The following GOLGB1 variants were observed in gnomAD, a reference collection of about 807,000 sequenced individuals.
GOLGB1 encodes golgin subfamily B member 1.
In GOLGB1, 174 loss-of-function variants were observed where a neutral mutation model predicts 336.9. The observed-to-expected ratio is 0.52, with a 90% CI of 0.46 to 0.59. The LOEUF (loss-of-function observed/expected upper bound fraction) is 0.59. GOLGB1 is among the 20% of genes least tolerant of loss of function. GOLGB1 has a pLI of 0.00. For missense variants in GOLGB1, 3,331 were observed against 3,645.3 expected (o/e 0.91, Z 2.22); for synonymous variants, 1,208 against 1,289.2 (o/e 0.94, Z 1.35).
chr3:121,691,303 T>C lies in GOLGB1; in HGVS notation c.8061A>G (p.Lys2687=). 1.2e-6 allele frequency: 2 copies of C among 1,613,022 alleles called. No individual in the cohort carries two copies. The highest frequency in any genetic ancestry group is 1.7e-6 in the Non-Finnish European group (2 of 1,179,756). The part of the protein sequence containing the change: ...KVGEIEDKLK[K]ELKHLHHDAG... ...CATCATGATGAAGATGCTTTAATTC[T>C]TTCTTCAGTTTATCTTCAATTTCAC... The change falls in exon 14 of 22, where the codon AAA becomes AAG. Residue 2687 remains lysine, a synonymous_variant. Coordinates refer to ENST00000614479, the MANE Select transcript of GOLGB1 (RefSeq NM_001366282.2).
intron 6 of GOLGB1, among the ~76,000 whole-genome samples, chr3:121,721,470 T>C (rs951378068): frequency 7.9e-5 from 12 of 151,978 alleles, no homozygotes; most frequent in African/African-American, 2.9e-4. Flanking sequence ...CTTCAAAAAA[T>C]GTAAAAAATT....
At chr3:121,688,754 C>T (rs1364032708) in intron 14 of GOLGB1, among the ~76,000 whole-genome samples, 8 of 151,424 alleles carry the variant, frequency 5.3e-5, no homozygotes, top group African/African-American at 1.2e-4. Flanking sequence ...CGTCTCTGCC[C>T]GGCTGCCCAT....
At position 121,696,920 on chromosome 3, in the gene GOLGB1, C is replaced by A. The variant is rs1323299139; in HGVS notation, c.3603G>T (p.Glu1201Asp). The change falls in exon 13 of 22, where the codon GAG (glutamate) becomes GAT (aspartate). Residue 1201 changes from glutamate to aspartate, a missense_variant. Transcript: ENST00000614479. Reference protein sequence around the residue: ...SRKAILKKAQEKERHLREELK... With the variant: ...SRKAILKKAQDKERHLREELK... ...GCTCCTCCCTGAGATGTCTTTCTTT[C>A]TCCTGTGCCTTTTTAAGAATTGCCT... 2.5e-6 allele frequency: 4 copies of A among 1,614,034 alleles called. No individual in the cohort carries two copies. Among genetic ancestry groups the A allele is most frequent in the Non-Finnish European group, 3.4e-6 (4 of 1,179,976 alleles).
intron 15 of GOLGB1, among the ~76,000 whole-genome samples, chr3:121,679,393 A>G (rs1337618150): frequency 6.6e-6 from 1 of 152,176 alleles, no homozygotes; most frequent in African/African-American, 2.4e-5. Flanking sequence ...CAAACCAGCT[A>G]GGGATCCCCA....
At chr3:121,699,287 C>T (rs1028782325) in intron 12 of GOLGB1, among the ~76,000 whole-genome samples, 1 of 152,114 alleles carries the variant, frequency 6.6e-6, no homozygotes, top group Non-Finnish European at 1.5e-5. Flanking sequence ...CCACATTACT[C>T]CTCAAGGGCA....
chr3:121,732,259 G>A (rs963623087), intron 1 of GOLGB1, among the ~76,000 whole-genome samples: 8 of 152,134 alleles, frequency 5.3e-5, no homozygotes, highest in African/African-American at 1.7e-4. Context: ...GAAAACTCCA[G>A]ATCAAGGTGG....
chr3:121,723,612 C>T (rs1945344545), intron 5 of GOLGB1, among the ~76,000 whole-genome samples: 1 of 152,160 alleles, frequency 6.6e-6, no homozygotes, highest in African/African-American at 2.4e-5. Context: ...GGATATACCA[C>T]AGTTTAAATA....
rs747457403 is a variant in GOLGB1, at chr3:121,714,915, T to C, written c.1350A>G (p.Gln450=). The part of the protein sequence containing the change: ...SQFLNRLPLQ[Q]HETASQTSFP... ...AAGAAGTCTGAGATGCTGTTTCATG[T>C]TGTTGCAAGGGCAGTCTATTTAGAA... The change falls in exon 10 of 22, where the codon CAA becomes CAG. Residue 450 remains glutamine (Q), a synonymous_variant. Coordinates refer to ENST00000614479, the MANE Select transcript of GOLGB1 (RefSeq NM_001366282.2). 1.9e-6 allele frequency: 3 copies of C among 1,613,430 alleles called. No individual in the cohort carries two copies.
intron 10 of GOLGB1, among the ~76,000 whole-genome samples, chr3:121,710,347 C>A (rs1944247846): frequency 6.6e-6 from 1 of 151,942 alleles, no homozygotes; most frequent in African/African-American, 2.4e-5. Flanking sequence ...GCTGCCATAC[C>A]CTTAATACCA....
In GOLGB1 at chr3:121,694,332, G is replaced by A; in HGVS notation, c.6191C>T (p.Thr2064Ile). 6.2e-7 allele frequency: 1 copy of A among 1,611,688 alleles called. No individual in the cohort carries two copies. The highest frequency in any genetic ancestry group is 8.5e-7 in the Non-Finnish European group (1 of 1,179,750). ...AACTGCTTGAGCCAGATTTTCTTTG[G>A]TTATTTCCAAATCTTTTTGAGATTC... ...QTESQKDLEI[T>I]KENLAQAVEH... Residue 2064 changes from threonine (T) to isoleucine (I), a missense_variant, in exon 13 of 22, where the codon ACC becomes ATC. Thr to Ile is a moderately conservative substitution (Grantham distance 89). Transcript: ENST00000614479.
intron 13 of GOLGB1, among the ~76,000 whole-genome samples, 158 bp downstream of exon 13, chr3:121,693,583 T>C (rs747784576): frequency 6.6e-6 from 1 of 152,162 alleles, no homozygotes; most frequent in East Asian, 1.9e-4. Flanking sequence ...AGCAGGATTG[T>C]TGTTTGCCAA....
chr3:121,716,276 T>G (rs1944771222), intron 9 of GOLGB1, among the ~76,000 whole-genome samples: 1 of 152,182 alleles, frequency 6.6e-6, no homozygotes, highest in African/African-American at 2.4e-5. Context: ...AAGGATAAAT[T>G]TTCACCTGTA....
intron 1 of GOLGB1, among the ~76,000 whole-genome samples, chr3:121,746,131 T>C (rs1264243132): frequency 6.6e-6 from 1 of 152,170 alleles, no homozygotes; most frequent in Non-Finnish European, 1.5e-5. Flanking sequence ...GGTGGTTAGG[T>C]TTCAGTTGAG....
intron 14 of GOLGB1, among the ~76,000 whole-genome samples, chr3:121,683,379 T>C (rs1279122413): frequency 2.0e-5 from 3 of 152,160 alleles, no homozygotes; most frequent in Non-Finnish European, 4.4e-5. Flanking sequence ...TCCTGAGTGC[T>C]TGAAGTCTTT....
At chr3:121,732,181 C>A (rs775720769) in intron 1 of GOLGB1, among the ~76,000 whole-genome samples, 1 of 152,048 alleles carries the variant, frequency 6.6e-6, no homozygotes, top group Non-Finnish European at 1.5e-5. Context: ...TACAGACACA[C>A]ACACACATAT....
At chr3:121,670,721 C>A in intron 17 of GOLGB1, among the ~76,000 whole-genome samples, 1 of 122,206 alleles carries the variant, frequency 8.2e-6, no homozygotes, top group Admixed American at 1.1e-4. Flanking sequence ...GATAGTCTAG[C>A]AAGGAAAGCT....
At chr3:121,708,844 A>G (rs147797389) in intron 10 of GOLGB1, among the ~76,000 whole-genome samples, 249 of 152,260 alleles carry the variant, frequency 1.6e-3, no homozygotes, top group African/African-American at 5.6e-3. Context: ...GAAAAAACAG[A>G]AAGCAAAATG....
chr3:121,727,312 ATATATATATTTTTTT>A (rs1434654476), intron 4 of GOLGB1, among the ~76,000 whole-genome samples: 3 of 35,538 alleles, frequency 8.4e-5, no homozygotes, highest in Non-Finnish European at 2.1e-4. Flanking sequence ...ATATATATAT[ATATATATATTTTTTT>A]TTTTTTTTTT....
intron 1 of GOLGB1, among the ~76,000 whole-genome samples, chr3:121,736,636 C>CT (rs1946486458): frequency 2.0e-5 from 3 of 152,202 alleles, no homozygotes; most frequent in Admixed American, 2.0e-4. Flanking sequence ...GGCACAGTGT[C>CT]TCACGCCTGT....
Sources: gnomAD v4.1 joint callset for allele counts (sites outside exome capture counted in the v4.1 genomes callset) on GRCh38, gnomAD v4.1.1 for gene constraint, MANE v1.5 for transcripts, NCBI Gene and HGNC (gene_info 2026-07-23, HGNC 2026-07-21) for gene names.